Variants in PRKN observed in about 807,000 individuals in gnomAD.
PRKN encodes the protein parkin RBR E3 ubiquitin protein ligase, also known as E3 ubiquitin-protein ligase parkin.
Under a neutral mutation model 59.5 loss-of-function variants are expected in PRKN, and 56 were observed. The ratio of observed to expected loss-of-function variants is 0.94; its 90% CI spans 0.76 to 1.18. The LOEUF (loss-of-function observed/expected upper bound fraction) is 1.18. Among genes scored for constraint, PRKN ranks in the 50% most tolerant of loss-of-function variants. The probability of loss-of-function intolerance (pLI) is 0.00; values close to 1 mark genes in which losing one functional copy is unlikely to be tolerated. For missense variants in PRKN, 657 were observed against 596.4 expected (o/e 1.10, Z -1.06); for synonymous variants, 250 against 222.1 (o/e 1.13, Z -1.12).
At chr6:161,734,175 G>A (rs1443571471) in intron 7 of PRKN, among the ~76,000 whole-genome samples, 2 of 151,948 alleles carry the variant, frequency 1.3e-5, no homozygotes, top group African/African-American at 4.8e-5. Flanking sequence ...ACTGTACCTC[G>A]GTTTTCCTGC....
chr6:162,679,062 A>G (rs9347680), intron 1 of PRKN, among the ~76,000 whole-genome samples: 27,567 of 139,306 alleles, frequency 0.2, 3,120 homozygotes, highest in East Asian at 0.5. Context: ...GACGTGAGCC[A>G]CTGTGCCTGG....
At chr6:161,634,484 G>T (rs570743777) in intron 7 of PRKN, among the ~76,000 whole-genome samples, 16 of 152,300 alleles carry the variant, frequency 1.1e-4, no homozygotes, top group Middle Eastern at 3.4e-3. Context: ...TAAGCAACTT[G>T]CTGCAGGTCA....
chr6:162,304,041 C>T (rs771156736), intron 2 of PRKN, among the ~76,000 whole-genome samples: 1 of 151,668 alleles, frequency 6.6e-6, no homozygotes, highest in Non-Finnish European at 1.5e-5. Context: ...AACAAATAAA[C>T]CTAATTATAT....
intron 3 of PRKN, among the ~76,000 whole-genome samples, chr6:162,254,949 C>T (rs2128097522): frequency 6.6e-6 from 1 of 152,108 alleles, no homozygotes; most frequent in East Asian, 1.9e-4. Context: ...TCCAGAAAAA[C>T]AGCCATGGGA....
intron 3 of PRKN, among the ~76,000 whole-genome samples, chr6:162,227,720 C>T (rs541102522): frequency 3.8e-4 from 58 of 152,250 alleles, no homozygotes; most frequent in African/African-American, 1.3e-3. Context: ...TAGCCTTCTA[C>T]CATTCTTATG....
chr6:161,918,999 C>T (rs1375397822), intron 6 of PRKN, among the ~76,000 whole-genome samples: 1 of 152,138 alleles, frequency 6.6e-6, no homozygotes, highest in Non-Finnish European at 1.5e-5. Context: ...CTGTTAAGCA[C>T]ACGACTGTTA....
chr6:161,386,745 C>T lies in PRKN; in HGVS notation c.1167+49G>A, dbSNP rs762546735. On this transcript the variant is annotated intron_variant, in intron 10 of 11. Coordinates refer to ENST00000366898, the MANE Select transcript of PRKN (RefSeq NM_004562.3). The surrounding 1 kb of genome is among the most constrained non-coding windows in gnomAD (Gnocchi z 4.3). ...ACCTCCAGGAAACGGCTCCAGTCCC[C>T]CACTGTATCCGGAGCCCTGCTTGGA... is the stretch of plus-strand genomic sequence containing the variant. 1 of 1,395,586 alleles carries T rather than the reference C, an allele frequency of 7.2e-7. No individual in the cohort carries two copies. The highest frequency in any genetic ancestry group is 1.0e-6 in the Non-Finnish European group (1 of 980,862). The allele number at this position is 1,395,586 out of a possible 1,614,324, so 86.5% of individuals were successfully genotyped here.
chr6:162,454,886 C>T (rs905275196), intron 1 of PRKN, among the ~76,000 whole-genome samples: 2 of 152,220 alleles, frequency 1.3e-5, no homozygotes, highest in African/African-American at 4.8e-5. Context: ...TAACCCAACC[C>T]GTTAACTCAC....
In PRKN at chr6:162,347,464, T is replaced by G. The variant is rs114582524; in HGVS notation, c.172-84699A>C. ...CAATATGGGTTGACCTAGTTAAGTTTTCTAACTTCATTTCATTGTATTCAA... is the reference window on the plus strand; with the variant it reads ...CAATATGGGTTGACCTAGTTAAGTTGTCTAACTTCATTTCATTGTATTCAA... On this transcript the variant is annotated intron_variant, in intron 2 of 11. Transcript: ENST00000366898. Among the ~76,000 whole-genome samples, 330 of 152,182 alleles carry G rather than the reference T, an allele frequency of 2.2e-3. 4 individuals are homozygous for G. The highest frequency in any genetic ancestry group is 7.5e-3 in the African/African-American group (312 of 41,576).
At chr6:162,020,160 C>T (rs962167354) in intron 5 of PRKN, among the ~76,000 whole-genome samples, 1 of 151,774 alleles carries the variant, frequency 6.6e-6, no homozygotes, top group African/African-American at 2.4e-5. Context: ...CTGCGGAGAA[C>T]AACTGTGTTT....
At chr6:161,719,169 C>T (rs1230565508) in intron 7 of PRKN, among the ~76,000 whole-genome samples, 3 of 151,654 alleles carry the variant, frequency 2.0e-5, no homozygotes, top group Admixed American at 6.6e-5. Context: ...CCAACATTCT[C>T]GAGTCTCTCC....
rs182343856 is a variant in PRKN, at chr6:161,443,181, A to G, written c.1084-56304T>C. On this transcript the variant is annotated intron_variant, in intron 9 of 11. Coordinates refer to ENST00000366898, the MANE Select transcript of PRKN (RefSeq NM_004562.3). ...AATTAGCTGGGTGTGGTGGTGGTGC[A>G]TGCCTGTAATCCCAGCTACTTGGGA... 6.3e-3 allele frequency among the ~76,000 whole-genome samples: 952 copies of G among 152,154 alleles called. 8 individuals carry two copies. Among genetic ancestry groups the G allele is most frequent in the Middle Eastern group, 0.02 (6 of 294 alleles).
chr6:162,328,404 G>A (rs1006299343), intron 2 of PRKN, among the ~76,000 whole-genome samples: 8 of 152,116 alleles, frequency 5.3e-5, no homozygotes, highest in South Asian at 2.1e-4. Flanking sequence ...ACAAGCACAC[G>A]TGAGAAGCCC....
chr6:161,904,893 G>C (rs950892633), intron 6 of PRKN, among the ~76,000 whole-genome samples: 5 of 152,146 alleles, frequency 3.3e-5, no homozygotes, highest in Non-Finnish European at 7.3e-5. Context: ...AGTCAGGATA[G>C]GACTGCAGCC....
chr6:162,370,780 A>G (rs1339442539), intron 2 of PRKN, among the ~76,000 whole-genome samples: 1 of 152,214 alleles, frequency 6.6e-6, no homozygotes, highest in Non-Finnish European at 1.5e-5. Context: ...GTCCTGGCAT[A>G]TGAATGGTAG....
chr6:161,408,454 T>A (rs1281149421), intron 9 of PRKN, among the ~76,000 whole-genome samples: 2 of 150,374 alleles, frequency 1.3e-5, no homozygotes, highest in Non-Finnish European at 3.0e-5. Context: ...TCCAGCCACG[T>A]GGGATTATGT....
chr6:161,955,572 C>T (rs369444885), intron 6 of PRKN, among the ~76,000 whole-genome samples: 16 of 152,254 alleles, frequency 1.1e-4, no homozygotes, highest in African/African-American at 3.4e-4. Context: ...CCTTGGAGGC[C>T]GGGCACAGTG....
chr6:161,656,551 T>A (rs1784359060), intron 7 of PRKN, among the ~76,000 whole-genome samples: 1 of 152,174 alleles, frequency 6.6e-6, no homozygotes, highest in Non-Finnish European at 1.5e-5. Context: ...TGAGATGCCG[T>A]GGAACATGCC....
intron 4 of PRKN, among the ~76,000 whole-genome samples, chr6:162,103,178 C>G (rs2128299833): frequency 6.6e-6 from 1 of 151,110 alleles, no homozygotes; most frequent in Non-Finnish European, 1.5e-5. Flanking sequence ...AAGTAACATT[C>G]CAATTCCTTC....
Sources: allele counts gnomAD v4.1 joint callset (sites outside exome capture counted in the v4.1 genomes callset), GRCh38; gene constraint gnomAD v4.1.1; non-coding constraint Gnocchi (gnomAD v3.1); transcripts MANE v1.5; gene names NCBI Gene and HGNC (gene_info 2026-07-23, HGNC 2026-07-21).